GRM8: variants seen among roughly 807,000 people sequenced by gnomAD.
GRM8 encodes metabotropic glutamate receptor 8.
GRM8 carries 47 observed loss-of-function variants against 87.2 expected under a neutral mutation model. The observed-to-expected ratio is 0.54, with a 90% CI of 0.43 to 0.69. The LOEUF (loss-of-function observed/expected upper bound fraction) is 0.69. Among genes scored for constraint, GRM8 ranks in the 30% least tolerant of loss-of-function variants. GRM8 has a pLI of 0.00. For synonymous variants in GRM8, 396 were observed against 404.5 expected (o/e 0.98, Z 0.25); for missense variants, 1,019 against 1,139.2 (o/e 0.89, Z 1.52).
At chr7:127,154,615 T>C (rs17865547) in intron 2 of GRM8, among the ~76,000 whole-genome samples, 3 of 152,142 alleles carry the variant, frequency 2.0e-5, no homozygotes, top group Non-Finnish European at 2.9e-5. Flanking sequence ...TGGCACATCA[T>C]AGATTCTCAA....
rs183727075 is a variant in GRM8 at position 126,733,630 on chromosome 7, G to C, written c.1357+36235C>G. Among the ~76,000 whole-genome samples the C allele has an allele frequency of 1.6e-4, 25 of 151,944 alleles. No homozygotes were observed. The East Asian group carries it at 4.3e-3, about 26-fold the overall frequency. On this transcript the variant is annotated intron_variant, in intron 7 of 10. Coordinates refer to ENST00000339582, the MANE Select transcript of GRM8 (RefSeq NM_000845.3). ...TATTCCACAAAAAACAGTGTAGTTA[G>C]ACATTTGGAAAAAATTGATAAACGC...
intron 2 of GRM8, among the ~76,000 whole-genome samples, chr7:127,224,364 A>G (rs1022912445): frequency 1.3e-5 from 2 of 152,208 alleles, no homozygotes; most frequent in Non-Finnish European, 2.9e-5. Flanking sequence ...GATTTCGCAA[A>G]ATAAACCAAG....
At chr7:127,040,239 C>T (rs914849481) in intron 3 of GRM8, among the ~76,000 whole-genome samples, 4 of 152,022 alleles carry the variant, frequency 2.6e-5, no homozygotes, top group Non-Finnish European at 5.9e-5. Context: ...CAACCAAGAA[C>T]AGTTCACGGG....
intron 6 of GRM8, among the ~76,000 whole-genome samples, chr7:126,878,747 G>A (rs1042747749): frequency 3.9e-5 from 6 of 152,010 alleles, no homozygotes; most frequent in African/African-American, 1.2e-4. Flanking sequence ...GGCTGTTCCC[G>A]AACTCCTGAC....
At chr7:127,064,824 C>T (rs116038672) in intron 3 of GRM8, among the ~76,000 whole-genome samples, 2,138 of 152,274 alleles carry the variant, frequency 0.014, 48 homozygotes, top group African/African-American at 0.049. Context: ...GAGATACCAT[C>T]TCATACCGGT....
At chr7:126,589,839 C>T (rs549550132) in intron 8 of GRM8, among the ~76,000 whole-genome samples, 7 of 152,300 alleles carry the variant, frequency 4.6e-5, no homozygotes, top group African/African-American at 1.4e-4. Flanking sequence ...GTAAGTACTA[C>T]ATCAAGGGAG....
intron 2 of GRM8, among the ~76,000 whole-genome samples, chr7:127,167,258 G>A (rs1000123357): frequency 6.6e-6 from 1 of 152,114 alleles, no homozygotes; most frequent in African/African-American, 2.4e-5. Flanking sequence ...TCATGTACAT[G>A]CCAACAATTC....
intron 8 of GRM8, among the ~76,000 whole-genome samples, chr7:126,577,713 A>G (rs541773202): frequency 6.6e-6 from 1 of 152,214 alleles, no homozygotes; most frequent in Non-Finnish European, 1.5e-5. Context: ...CAGCAATGCC[A>G]AAAGATAAAT....
At chr7:126,668,893 T>C (rs1167271738) in intron 7 of GRM8, among the ~76,000 whole-genome samples, 3 of 152,192 alleles carry the variant, frequency 2.0e-5, no homozygotes, top group Non-Finnish European at 4.4e-5. Context: ...TTGATGGACA[T>C]TTGGGTTGGT....
chr7:126,855,867 T>C (rs1447814192), intron 6 of GRM8, among the ~76,000 whole-genome samples: 1 of 152,036 alleles, frequency 6.6e-6, no homozygotes, highest in Non-Finnish European at 1.5e-5. Context: ...AAAGAGGTGA[T>C]AAAGTCCCTG....
In GRM8 at chr7:126,630,169, A is replaced by T. The variant is rs185827781; in HGVS notation, c.1358-20671T>A. On this transcript the variant is annotated intron_variant, in intron 7 of 10. Transcript: ENST00000339582. The stretch of plus-strand genomic sequence containing the variant: ...CAATAGCCTCCAAAGATTTAGAACA[A>T]AAAACTAAGCACTTATTTTAATTAA... 1.1e-4 allele frequency among the ~76,000 whole-genome samples: 16 copies of T among 152,142 alleles called. No individual in the cohort carries two copies. In the East Asian group the frequency reaches 1.9e-3, roughly 18 times the overall value.
intron 6 of GRM8, among the ~76,000 whole-genome samples, chr7:126,883,016 A>T (rs1474540568): frequency 6.6e-6 from 1 of 152,214 alleles, no homozygotes; most frequent in African/African-American, 2.4e-5. Flanking sequence ...TGAGTTGGTC[A>T]GAGGACAATG....
chr7:127,116,066 T>C (rs946383028), intron 2 of GRM8, among the ~76,000 whole-genome samples: 1 of 152,196 alleles, frequency 6.6e-6, no homozygotes, highest in Non-Finnish European at 1.5e-5. Context: ...CAATGAGCTA[T>C]AATTGCACCA....
At chr7:126,961,943 C>T (rs1455579080) in intron 3 of GRM8, among the ~76,000 whole-genome samples, 1 of 152,152 alleles carries the variant, frequency 6.6e-6, no homozygotes, top group Non-Finnish European at 1.5e-5. Flanking sequence ...CCAATGGCTC[C>T]AACTAGAAAT....
chr7:126,623,868 G>A (rs1278909867), intron 7 of GRM8, among the ~76,000 whole-genome samples: 5 of 152,128 alleles, frequency 3.3e-5, no homozygotes, highest in African/African-American at 9.7e-5. Flanking sequence ...GCTTGAGCCC[G>A]GGAGGTGGAA....
chr7:126,826,149 T>C (rs890517919), intron 6 of GRM8, among the ~76,000 whole-genome samples: 2 of 152,152 alleles, frequency 1.3e-5, no homozygotes, highest in African/African-American at 4.8e-5. Context: ...GTTCCAAGTC[T>C]TTGCTATTGT....
intron 3 of GRM8, among the ~76,000 whole-genome samples, chr7:127,033,950 G>T (rs2132326351): frequency 6.6e-6 from 1 of 152,290 alleles, no homozygotes; most frequent in Non-Finnish European, 1.5e-5. Context: ...AAGAGTTAAA[G>T]CTGGGAAGAT....
intron 3 of GRM8, among the ~76,000 whole-genome samples, chr7:126,926,852 C>A (rs1450107824): frequency 6.6e-6 from 1 of 152,226 alleles, no homozygotes; most frequent in African/African-American, 2.4e-5. Context: ...ACATTCATAA[C>A]CTCATTCAAA....
At chr7:127,183,106 T>C (rs1007346219) in intron 2 of GRM8, among the ~76,000 whole-genome samples, 1 of 151,922 alleles carries the variant, frequency 6.6e-6, no homozygotes, top group Admixed American at 6.6e-5. Context: ...AGAGCACATA[T>C]CATTCTAATG....
Sources: gnomAD v4.1 joint callset for allele counts (sites outside exome capture counted in the v4.1 genomes callset) on GRCh38, gnomAD v4.1.1 for gene constraint, MANE v1.5 for transcripts, NCBI Gene and HGNC (gene_info 2026-07-23, HGNC 2026-07-21) for gene names.